Variants in ARHGAP28 observed in about 807,000 individuals in gnomAD.
The protein encoded by ARHGAP28 is rho GTPase-activating protein 28.
A neutral mutation model predicts 90.7 loss-of-function variants in ARHGAP28; 56 were observed. The ratio of observed to expected loss-of-function variants is 0.62; its 90% CI spans 0.50 to 0.77. The LOEUF is 0.77. Ranked by LOEUF, ARHGAP28 falls within the 30% of genes least tolerant of loss-of-function variation. The pLI is 0.00. For synonymous variants in ARHGAP28, 308 were observed against 323.3 expected (o/e 0.95, Z 0.51); for missense variants, 869 against 900.9 (o/e 0.96, Z 0.45).
At position 6,859,892 on chromosome 18, in the gene ARHGAP28, T is replaced by G; in HGVS notation, c.721T>G (p.Ser241Ala). 1 of 1,614,020 alleles carries G rather than the reference T, an allele frequency of 6.2e-7. No homozygotes were observed. The highest frequency in any genetic ancestry group is 8.5e-7 in the Non-Finnish European group (1 of 1,179,856). Residue 241 changes from serine (S) to alanine (A), a missense_variant, in exon 5 of 18, where the codon TCT (serine) becomes GCT (alanine). Physicochemically the swap from Ser to Ala is moderately conservative, Grantham distance 99. Coordinates refer to ENST00000383472, the MANE Select transcript of ARHGAP28 (RefSeq NM_001366230.1). ...EGSFAVPRSDSVAILETIPVL... is the reference protein window; with the variant it reads ...EGSFAVPRSDAVAILETIPVL... ...GAGTTTTGCGGTTCCCAGGAGTGAC[T>G]CTGTGGTAAGTCATCCATGTCAGCA...
intron 1 of ARHGAP28, among the ~76,000 whole-genome samples, chr18:6,806,935 T>C (rs939873748): frequency 1.3e-5 from 2 of 152,208 alleles, no homozygotes; most frequent in Admixed American, 6.5e-5. Flanking sequence ...TCTTTCAGAT[T>C]GTATTGTTTC....
intron 1 of ARHGAP28, among the ~76,000 whole-genome samples, chr18:6,810,145 A>G: frequency 6.6e-6 from 1 of 152,178 alleles, no homozygotes; most frequent in East Asian, 1.9e-4. Context: ...TGAATTCCAA[A>G]GCATCTACCT....
intron 3 of ARHGAP28, among the ~76,000 whole-genome samples, chr18:6,844,328 T>C (rs375104187): frequency 1.3e-5 from 2 of 152,202 alleles, no homozygotes; most frequent in African/African-American, 4.8e-5. Context: ...TTTCTTTTTG[T>C]CTTTCTTTTT....
chr18:6,760,706 A>C (rs779561183), intron 1 of ARHGAP28, among the ~76,000 whole-genome samples: 1 of 152,192 alleles, frequency 6.6e-6, no homozygotes, highest in Non-Finnish European at 1.5e-5. Flanking sequence ...CAATTTAGCT[A>C]TTGCAATAGA....
intron 1 of ARHGAP28, among the ~76,000 whole-genome samples, chr18:6,823,542 C>G (rs2056639868): frequency 6.6e-6 from 1 of 150,898 alleles, no homozygotes; most frequent in East Asian, 1.9e-4. Flanking sequence ...AGTCCCTGCT[C>G]TCAATTCTTT....
intron 5 of ARHGAP28, among the ~76,000 whole-genome samples, chr18:6,865,025 A>G (rs994265838): frequency 6.6e-6 from 1 of 152,214 alleles, no homozygotes; most frequent in African/African-American, 2.4e-5. Context: ...TAAAGAGATA[A>G]CTAACTTTAT....
At chr18:6,864,192 A>G (rs1396442125) in intron 5 of ARHGAP28, among the ~76,000 whole-genome samples, 1 of 152,060 alleles carries the variant, frequency 6.6e-6, no homozygotes, top group Admixed American at 6.5e-5. Context: ...CTGCCTCCCC[A>G]GTAGCTGGGA....
chr18:6,875,586 A>G (rs1600274797), intron 9 of ARHGAP28, among the ~76,000 whole-genome samples: 1 of 152,328 alleles, frequency 6.6e-6, no homozygotes, highest in East Asian at 1.9e-4. Context: ...TAAAGGACTG[A>G]GAATAGGAAC....
intron 2 of ARHGAP28, among the ~76,000 whole-genome samples, chr18:6,834,746 A>C (rs114305909): frequency 1.9e-3 from 290 of 152,234 alleles, no homozygotes; most frequent in Middle Eastern, 6.8e-3. Flanking sequence ...TTTGAGTAGT[A>C]ATAACGAGGC....
chr18:6,859,877 G>C lies in ARHGAP28; in HGVS notation c.706G>C (p.Val236Leu), dbSNP rs950475518. ...CCAGGATAAAGAAGGGAGTTTTGCG[G>C]TTCCCAGGAGTGACTCTGTGGTAAG... ...ASQDKEGSFA[V>L]PRSDSVAILE... The change falls in exon 5 of 18, where the codon GTT (valine) becomes CTT (leucine). Residue 236 changes from valine (V) to leucine (L), a missense_variant. Transcript: ENST00000383472. The C allele has an allele frequency of 1.2e-6, 2 of 1,614,148 alleles. No individual in the cohort carries two copies. The highest frequency in any genetic ancestry group is 8.5e-7 in the Non-Finnish European group (1 of 1,180,014).
intron 1 of ARHGAP28, among the ~76,000 whole-genome samples, chr18:6,773,614 C>T (rs2056260617): frequency 6.6e-6 from 1 of 152,116 alleles, no homozygotes; most frequent in Non-Finnish European, 1.5e-5. Flanking sequence ...TGCCTTCTGA[C>T]CATAAGTTGC....
chr18:6,745,199 T>C (rs1031743795), intron 1 of ARHGAP28, among the ~76,000 whole-genome samples: 9 of 152,198 alleles, frequency 5.9e-5, no homozygotes, highest in African/African-American at 2.2e-4. Flanking sequence ...TTTTCTGCTT[T>C]TGAGTGTCCT....
intron 1 of ARHGAP28, among the ~76,000 whole-genome samples, chr18:6,745,489 T>C (rs1450769059): frequency 6.6e-6 from 1 of 152,218 alleles, no homozygotes; most frequent in Non-Finnish European, 1.5e-5. Context: ...GATGTCAGTT[T>C]AAAAATCGAG....
chr18:6,836,756 G>A lies in ARHGAP28; in HGVS notation c.326-441G>A, dbSNP rs1050948935. Reference sequence around the variant, plus strand: ...CTTATTTTGCTGAGAGGACACTGAGGCCTCGAGATATCGTTAAGACTTAGG... The same window carrying A: ...CTTATTTTGCTGAGAGGACACTGAGACCTCGAGATATCGTTAAGACTTAGG... On this transcript the variant is annotated intron_variant, in intron 2 of 17. Coordinates refer to ENST00000383472, the MANE Select transcript of ARHGAP28 (RefSeq NM_001366230.1). Among the ~76,000 whole-genome samples the A allele has an allele frequency of 2.0e-5, 3 of 152,122 alleles. No homozygotes were observed. The South Asian group carries it at 6.2e-4, about 32-fold the overall frequency.
At chr18:6,901,069 A>T (rs879562574) in intron 16 of ARHGAP28, among the ~76,000 whole-genome samples, 22 of 152,204 alleles carry the variant, frequency 1.4e-4, no homozygotes, top group Admixed American at 1.4e-3. Context: ...ATGAGGGGGA[A>T]ATAAACATTC....
rs1028362823 is a variant in ARHGAP28 at position 6,913,970 on chromosome 18, G to A, written c.*1816G>A. 5 of 152,072 alleles carry A rather than the reference G, an allele frequency of 3.3e-5. No individual in the cohort carries two copies. The highest frequency in any genetic ancestry group is 2.0e-4 in the Admixed American group (3 of 15,266). The allele number at this position is 152,072 out of a possible 1,614,324, so 9.4% of individuals were successfully genotyped here. A position where few individuals can be genotyped will look rare whatever the true frequency, so the allele number is the denominator to read the frequency against. On this transcript the variant is annotated 3_prime_UTR_variant, in exon 18 of 18. Transcript: ENST00000383472. ...AAGATGTAAAACGGCAGTAATTTAT[G>A]ACCACGTATGGAAGAAATTCTTCAA...
At chr18:6,766,892 A>G (rs1282078428) in intron 1 of ARHGAP28, among the ~76,000 whole-genome samples, 1 of 152,182 alleles carries the variant, frequency 6.6e-6, no homozygotes, top group Non-Finnish European at 1.5e-5. Flanking sequence ...TCTTATGATT[A>G]ACGCTTGCAT....
intron 1 of ARHGAP28, among the ~76,000 whole-genome samples, chr18:6,764,481 T>C (rs2056185388): frequency 6.6e-6 from 1 of 152,176 alleles, no homozygotes; most frequent in African/African-American, 2.4e-5. Flanking sequence ...AAAGTGTTGT[T>C]AGAGTTCAGA....
chr18:6,751,062 C>G (rs971930374), intron 1 of ARHGAP28, among the ~76,000 whole-genome samples: 4 of 152,056 alleles, frequency 2.6e-5, no homozygotes. Flanking sequence ...AAGCAGAAGT[C>G]AGGGTTTATC....
Sources: allele counts gnomAD v4.1 joint callset (sites outside exome capture counted in the v4.1 genomes callset), GRCh38; gene constraint gnomAD v4.1.1; transcripts MANE v1.5; gene names NCBI Gene and HGNC (gene_info 2026-07-23, HGNC 2026-07-21).